The following MID1 variants were observed in gnomAD, a reference collection of about 807,000 sequenced individuals.
MID1 encodes E3 ubiquitin-protein ligase Midline-1.
MID1 carries 7 observed loss-of-function variants against 40.4 expected under a neutral mutation model. That is an observed-to-expected ratio of 0.17 (90% CI 0.10 to 0.33). The LOEUF is 0.33. Among genes scored for constraint, MID1 ranks in the 10% least tolerant of loss-of-function variants. The pLI, the probability that MID1 is intolerant of heterozygous loss-of-function variation, is 1.00. For synonymous variants in MID1, 229 were observed against 221.2 expected, an observed-to-expected ratio of 1.04 and a Z score of -0.31; for missense variants, 367 against 558.5, an observed-to-expected ratio of 0.66 and a Z score of 3.46.
At chrX:10,514,736 G>A (rs1473209022) in intron 3 of MID1, among the ~76,000 whole-genome samples, 5 of 112,018 alleles carry the variant, frequency 4.5e-5, no homozygotes. Flanking sequence ...ATCCTAAGAC[G>A]TGAACTTGGG....
intron 1 of MID1, among the ~76,000 whole-genome samples, chrX:10,681,013 C>G (rs1221476421): frequency 2.1e-5 from 2 of 97,179 alleles, no homozygotes; most frequent in African/African-American, 7.6e-5. Flanking sequence ...GTGACAGAGC[C>G]AGACCCTGTC....
chrX:10,691,484 C>T (rs1430002428), intron 1 of MID1, among the ~76,000 whole-genome samples: 1 of 112,228 alleles, frequency 8.9e-6, no homozygotes, highest in Non-Finnish European at 1.9e-5. Context: ...TTACTGCAAT[C>T]TCTGAACATA....
chrX:10,712,939 C>T (rs186098282), intron 1 of MID1, among the ~76,000 whole-genome samples: 6 of 111,535 alleles, frequency 5.4e-5, no homozygotes, highest in Admixed American at 1.9e-4. Flanking sequence ...CAGGTTCAAG[C>T]GATTCTCCTG....
intron 1 of MID1, among the ~76,000 whole-genome samples, chrX:10,704,716 G>GTATATATA (rs771605675): frequency 0.015 from 1,187 of 78,019 alleles, 9 homozygotes; most frequent in Non-Finnish European, 0.023. Flanking sequence ...GTGTGTGTGT[G>GTATATATA]TATATATATA....
intron 1 of MID1, among the ~76,000 whole-genome samples, chrX:10,824,080 T>C (rs2044198062): frequency 8.9e-6 from 1 of 111,738 alleles, no homozygotes; most frequent in African/African-American, 3.3e-5. Context: ...ATAAACCAAA[T>C]AGACAAATAT....
chrX:10,667,069 C>T (rs2042955430), intron 1 of MID1, among the ~76,000 whole-genome samples: 1 of 111,207 alleles, frequency 9.0e-6, no homozygotes, highest in Admixed American at 9.6e-5. Context: ...AGTGGGTATA[C>T]TCTAACATTC....
intron 6 of MID1, among the ~76,000 whole-genome samples, chrX:10,473,698 A>G (rs1929842129): frequency 8.9e-6 from 1 of 112,521 alleles, no homozygotes; most frequent in South Asian, 3.6e-4. Context: ...TGTATGTCTT[A>G]AGTGCAGCGC....
At chrX:10,460,675 T>A (rs1928972055) in intron 7 of MID1, among the ~76,000 whole-genome samples, 1 of 110,868 alleles carries the variant, frequency 9.0e-6, no homozygotes, top group Admixed American at 9.6e-5. Context: ...GGGAGAGGGC[T>A]GGGCCCCCTC....
At chrX:10,465,842 G>A (rs1758886762) in intron 7 of MID1, among the ~76,000 whole-genome samples, 1 of 111,853 alleles carries the variant, frequency 8.9e-6, no homozygotes, top group African/African-American at 3.3e-5. Context: ...GCTCAACTAT[G>A]CCAGAATCCT....
At position 10,459,647 on chromosome X, in the gene MID1, G is replaced by A. The variant is rs201893152; in HGVS notation, c.1446C>T (p.Asn482=). The A allele has an allele frequency of 7.4e-6, 9 of 1,209,097 alleles. No individual in the cohort carries two copies. In the East Asian group the frequency reaches 2.1e-4, roughly 28 times the overall value. The stretch of plus-strand genomic sequence containing the variant: ...CTCTGTTGAGTTCACAGCACTTACT[G>A]TTTGTCTTCAACTTCCCAGGCTCAC... The part of the protein sequence containing the change: ...RSSEPGKLKT[N]SQPFKLDPKS... The change falls in exon 8 of 10, where the codon AAC becomes AAT. Residue 482 remains asparagine, a splice_region_variant and synonymous_variant. Coordinates refer to ENST00000317552, the MANE Select transcript of MID1 (RefSeq NM_000381.4).
chrX:10,508,648 G>A (rs1931963949), intron 3 of MID1, among the ~76,000 whole-genome samples: 1 of 111,473 alleles, frequency 9.0e-6, no homozygotes, highest in Non-Finnish European at 1.9e-5. Context: ...GGAAACCCAG[G>A]GGTGAGGAAG....
At chrX:10,503,124 G>A (rs1392176418) in intron 3 of MID1, among the ~76,000 whole-genome samples, 1 of 111,432 alleles carries the variant, frequency 9.0e-6, no homozygotes, top group African/African-American at 3.3e-5. Flanking sequence ...CACTGACCAG[G>A]TGCAAAAAGA....
At chrX:10,798,458 C>G (rs112596134) in intron 1 of MID1, among the ~76,000 whole-genome samples, 1 of 111,963 alleles carries the variant, frequency 8.9e-6, no homozygotes, top group East Asian at 2.8e-4. Context: ...AATCCTTTAA[C>G]TGTTATTGAT....
intron 1 of MID1, among the ~76,000 whole-genome samples, chrX:10,823,816 C>T (rs1320442624): frequency 5.4e-5 from 6 of 111,051 alleles, no homozygotes; most frequent in Non-Finnish European, 1.1e-4. Context: ...GTCTTGGAAG[C>T]GACAATACAG....
At chrX:10,789,481 T>C (rs1178372174) in intron 1 of MID1, among the ~76,000 whole-genome samples, 1 of 111,966 alleles carries the variant, frequency 8.9e-6, no homozygotes, top group Non-Finnish European at 1.9e-5. Flanking sequence ...ACTGTATCTG[T>C]TCTATGTTTA....
At chrX:10,757,682 T>C (rs1004509228) in intron 1 of MID1, among the ~76,000 whole-genome samples, 2 of 112,035 alleles carry the variant, frequency 1.8e-5, no homozygotes, top group African/African-American at 6.5e-5. Flanking sequence ...TTTTAAAGTA[T>C]TACATAGTTT....
chrX:10,772,013 G>T (rs1024991936), intron 1 of MID1, among the ~76,000 whole-genome samples: 5 of 110,690 alleles, frequency 4.5e-5, no homozygotes, highest in African/African-American at 1.6e-4. Context: ...CAGAGGAAAA[G>T]AAGTCATTAT....
chrX:10,705,850 T>A (rs989806682), intron 1 of MID1, among the ~76,000 whole-genome samples: 2 of 112,466 alleles, frequency 1.8e-5, no homozygotes, highest in African/African-American at 6.5e-5. Flanking sequence ...GGGGGCTCAG[T>A]CCACTTATTC....
chrX:10,748,944 T>G (rs2043580567), intron 1 of MID1, among the ~76,000 whole-genome samples: 1 of 111,600 alleles, frequency 9.0e-6, no homozygotes, highest in South Asian at 3.8e-4. Flanking sequence ...CTACTGCTTC[T>G]CTGCAGCCAG....
Sources: gnomAD v4.1 joint callset for allele counts (sites outside exome capture counted in the v4.1 genomes callset) on GRCh38, gnomAD v4.1.1 for gene constraint, MANE v1.5 for transcripts, NCBI Gene and HGNC (gene_info 2026-07-23, HGNC 2026-07-21) for gene names.